KRT5: variants seen among roughly 807,000 people sequenced by gnomAD.
KRT5 encodes keratin, type II cytoskeletal 5.
In KRT5, 17 loss-of-function variants were observed where a neutral mutation model predicts 44.0. The observed-to-expected ratio is 0.39, with a 90% CI of 0.26 to 0.58. The LOEUF (loss-of-function observed/expected upper bound fraction) is 0.58, where lower values mean the gene tolerates loss of function less well. KRT5 is among the 20% of genes least tolerant of loss of function. The probability of loss-of-function intolerance (pLI) is 0.61; values close to 1 mark genes in which losing one functional copy is unlikely to be tolerated. For missense variants in KRT5, 737 were observed against 785.5 expected (o/e 0.94, Z 0.74); for synonymous variants, 329 against 312.8 (o/e 1.05, Z -0.55).
chr12:52,514,646 G>A lies in KRT5; in HGVS notation c.*296C>T, dbSNP rs1461929461. 4.5e-6 allele frequency: 2 copies of A among 442,670 alleles called. No individual in the cohort carries two copies. The highest frequency in any genetic ancestry group is 2.0e-5 in the African/African-American group (1 of 50,762). 27.4% of individuals were successfully genotyped at this position (442,670 alleles called of 1,614,324 possible). A position where few individuals can be genotyped will look rare whatever the true frequency, so the allele number is the denominator to read the frequency against. ...AACCAAAACAAAATTTGGGATTGGG[G>A]TGGGGATTCTGTTTTGATGATTTAG... On this transcript the variant is annotated 3_prime_UTR_variant, in exon 9 of 9. Transcript: ENST00000252242.
At position 52,520,170 on chromosome 12, in the gene KRT5, C is replaced by A; in HGVS notation, c.127G>T (p.Gly43Cys). The A allele has an allele frequency of 6.2e-7, 1 of 1,613,936 alleles. No homozygotes were observed. Among genetic ancestry groups the A allele is most frequent in the Non-Finnish European group, 8.5e-7 (1 of 1,179,868 alleles). ...AGGCTGACCCTGCCGAAGCCACCAC[C>A]ACCGCCACCCCCGGACCGGGACACG... ...TSVSRSGGGG[G>C]GGFGRVSLAG... Residue 43 changes from glycine to cysteine, a missense_variant, in exon 1 of 9, where the codon GGT (glycine) becomes TGT (cysteine). By Grantham distance (159) the Gly-to-Cys change is radical. Transcript: ENST00000252242.
At position 52,515,181 on chromosome 12, in the gene KRT5, G is replaced by T; in HGVS notation, c.1534C>A (p.Leu512Ile). 1 of 1,611,952 alleles carries T rather than the reference G, an allele frequency of 6.2e-7. No individual in the cohort carries two copies. The highest frequency in any genetic ancestry group is 8.5e-7 in the Non-Finnish European group (1 of 1,179,728). Reference protein sequence around the residue: ...YGSGSGYGGGLGGGLGGGLGG... With the variant: ...YGSGSGYGGGIGGGLGGGLGG... ...AGGCCGCCGCCAAGACCTCCACCGA[G>T]GCCACCGCCATAGCCACTGCCACTG... is the stretch of plus-strand genomic sequence containing the variant. Residue 512 changes from leucine (L) to isoleucine (I), a missense_variant, in exon 9 of 9, where the codon CTC becomes ATC. Transcript: ENST00000252242.
intron 1 of KRT5, 74 bp downstream of exon 1, chr12:52,519,668 C>T (rs1441486032): frequency 6.8e-7 from 1 of 1,471,062 alleles, no homozygotes; most frequent in Non-Finnish European, 9.5e-7. Context: ...AAAGCCAAAA[C>T]ATCTTCCTTC....
chr12:52,519,044 G>T lies in KRT5; in HGVS notation c.672C>A (p.Asn224Lys). ...NLEPLFEQYI[N>K]NLRRQLDSIV... ...TGCTGTCCAGCTGCCTCCTGAGGTT[G>T]TTGATGTACTGCTCGAACAACGGCT... Residue 224 changes from asparagine to lysine, a missense_variant, in exon 2 of 9, where the codon AAC (asparagine) becomes AAA (lysine). Transcript: ENST00000252242. The T allele has an allele frequency of 1.2e-6, 2 of 1,614,210 alleles. No homozygotes were observed. Among genetic ancestry groups the T allele is most frequent in the South Asian group, 1.1e-5 (1 of 91,080 alleles).
chr12:52,518,511 A>C, intron 2 of KRT5: 1 of 552,688 alleles, frequency 1.8e-6, no homozygotes, highest in South Asian at 1.6e-5. Context: ...AAAAAAAAGA[A>C]AAGAAACAAA....
At position 52,514,745 on chromosome 12, in the gene KRT5, A is replaced by C; in HGVS notation, c.*197T>G. On this transcript the variant is annotated 3_prime_UTR_variant, in exon 9 of 9. Coordinates refer to ENST00000252242, the MANE Select transcript of KRT5 (RefSeq NM_000424.4). Reference sequence around the variant, plus strand: ...AAACCTGAAGGCTGATTTGAAGCAGAATATAGAACTGCGGCACGGGAGACC... The same window carrying C: ...AAACCTGAAGGCTGATTTGAAGCAGCATATAGAACTGCGGCACGGGAGACC... 1.7e-6 allele frequency: 1 copy of C among 597,382 alleles called. No individual in the cohort carries two copies. The highest frequency in any genetic ancestry group is 2.8e-5 in the East Asian group (1 of 36,170). The allele number at this position is 597,382 out of a possible 1,614,324, so 37.0% of individuals were successfully genotyped here. A position where few individuals can be genotyped will look rare whatever the true frequency, so the allele number is the denominator to read the frequency against.
intron 6 of KRT5, 57 bp downstream of exon 6, chr12:52,517,050 T>C (rs1474063507): frequency 1.6e-5 from 25 of 1,604,348 alleles, no homozygotes; most frequent in Non-Finnish European, 2.1e-5. Context: ...TAAAACAAAG[T>C]AGGTGTTTCT....
At chr12:52,518,635 G>A (rs1938657467) in intron 2 of KRT5, 1 of 568,446 alleles carries the variant, frequency 1.8e-6, no homozygotes, top group African/African-American at 1.9e-5. Flanking sequence ...AAAGGCCCAT[G>A]TACCGGGGAG....
At chr12:52,517,335 G>A (rs1938627227) in intron 5 of KRT5, 103 bp from the exon 6 acceptor site, 3 of 1,445,820 alleles carry the variant, frequency 2.1e-6, no homozygotes, top group Non-Finnish European at 2.9e-6. Context: ...AAATAGTGTG[G>A]GGCTGGTTCA....
chr12:52,518,266 G>A, intron 2 of KRT5, 103 bp from the exon 3 acceptor site: 1 of 1,091,420 alleles, frequency 9.2e-7, no homozygotes, highest in Non-Finnish European at 1.4e-6. Context: ...GTGGGAAGGG[G>A]CTTCTCCTCA....
rs757384415 is a variant in KRT5, at chr12:52,520,298, G to A, written c.-2C>T. The A allele has an allele frequency of 9.3e-6, 15 of 1,612,732 alleles. No homozygotes were observed. The highest frequency in any genetic ancestry group is 1.2e-5 in the Non-Finnish European group (14 of 1,179,996). On this transcript the variant is annotated 5_prime_UTR_variant, in exon 1 of 9. Coordinates refer to ENST00000252242, the MANE Select transcript of KRT5 (RefSeq NM_000424.4). ...GGACACACTTGACTGGCGAGACATG[G>A]TGGCTTGTTCCTGGTGGAGCAAGAG...
rs1421210308 is a variant in KRT5, at chr12:52,515,247, G to A, written c.1475-7C>T. The A allele has an allele frequency of 8.1e-6, 13 of 1,604,676 alleles. No individual in the cohort carries two copies. The highest frequency in any genetic ancestry group is 1.1e-5 in the Non-Finnish European group (13 of 1,179,976). The stretch of plus-strand genomic sequence containing the variant: ...ACACTGCTTGTGACAACAGCTGCAG[G>A]GAAAGGAGGGAGGACTCAGTGAGAC... On this transcript the variant is annotated splice_polypyrimidine_tract_variant and splice_region_variant and intron_variant, in intron 8 of 8. Coordinates refer to ENST00000252242, the MANE Select transcript of KRT5 (RefSeq NM_000424.4).
At position 52,517,888 on chromosome 12, in the gene KRT5, G is replaced by C. The variant is rs1938639680; in HGVS notation, c.927+9C>G. ...CCACCCATGTGAAAAATTTAGATAA[G>C]TTTCTTACCGCATCAAAGAACATCT... On this transcript the variant is annotated intron_variant, in intron 4 of 8. Transcript: ENST00000252242. 6.2e-7 allele frequency: 1 copy of C among 1,613,582 alleles called. No homozygotes were observed. The highest frequency in any genetic ancestry group is 8.5e-7 in the Non-Finnish European group (1 of 1,179,442).
rs565958149 is a variant in KRT5, at chr12:52,519,629, G to C, written c.555+113C>G. ...GGGCACAGAAACAAACGGAAACACAGAACTGTACAACTATAAAAGTATTTG... is the reference window on the plus strand; with the variant it reads ...GGGCACAGAAACAAACGGAAACACACAACTGTACAACTATAAAAGTATTTG... On this transcript the variant is annotated intron_variant, in intron 1 of 8. Transcript: ENST00000252242. 3.7e-4 allele frequency: 423 copies of C among 1,148,550 alleles called. 3 individuals carry two copies. The South Asian group carries it at 5.0e-3, about 14-fold the overall frequency. 71.1% of individuals were successfully genotyped at this position (1,148,550 alleles called of 1,614,324 possible). A position where few individuals can be genotyped will look rare whatever the true frequency, so the allele number is the denominator to read the frequency against.
chr12:52,519,687 T>C (rs1430695800), intron 1 of KRT5, 55 bp downstream of exon 1: 26 of 1,527,006 alleles, frequency 1.7e-5, no homozygotes, highest in Non-Finnish European at 2.3e-5. Flanking sequence ...TCTTTCTCTC[T>C]CTTTGGCATT....
At position 52,514,983 on chromosome 12, in the gene KRT5, C is replaced by T; in HGVS notation, c.1732G>A (p.Val578Ile). ...TTCCGGGAGGAGGAGGTGGTGGAGA[C>T]AAATTTGACGCTGGAGCTGCTACCC... ...GGGSSSSVKF[V>I]STTSSSRKSF... Residue 578 changes from valine (V) to isoleucine (I), a missense_variant, in exon 9 of 9, where the codon GTC becomes ATC. Coordinates refer to ENST00000252242, the MANE Select transcript of KRT5 (RefSeq NM_000424.4). 7 of 1,613,334 alleles carry T rather than the reference C, an allele frequency of 4.3e-6. No homozygotes were observed. The highest frequency in any genetic ancestry group is 5.9e-6 in the Non-Finnish European group (7 of 1,179,960).
rs759519803 is a variant in KRT5, at chr12:52,517,936, C to T, written c.888G>A (p.Leu296=). ...KVELEAKVDA[L]MDEINFMKMF... is the part of the protein sequence containing the mutation. ...TCTTCATGAAGTTAATCTCATCCAT[C>T]AGTGCATCAACCTTGGCCTCCAGCT... The change falls in exon 4 of 9, where the codon CTG becomes CTA. Residue 296 remains leucine (L), a synonymous_variant. Coordinates refer to ENST00000252242, the MANE Select transcript of KRT5 (RefSeq NM_000424.4). 77 of 1,614,144 alleles carry T rather than the reference C, an allele frequency of 4.8e-5. No individual in the cohort carries two copies. Among genetic ancestry groups the T allele is most frequent in the Non-Finnish European group, 8.5e-7 (1 of 1,180,042 alleles).
chr12:52,514,918 A>G lies in KRT5; in HGVS notation c.*24T>C, dbSNP rs1938578958. 1.2e-6 allele frequency: 2 copies of G among 1,601,910 alleles called. No individual in the cohort carries two copies. The highest frequency in any genetic ancestry group is 4.5e-5 in the East Asian group (2 of 44,826). On this transcript the variant is annotated 3_prime_UTR_variant, in exon 9 of 9. Transcript: ENST00000252242. Reference sequence around the variant, plus strand: ...CCATGGGCTGGGTTGCTGCACTTGGAAGGCAGTGACTTGCAGCAGGTTCTT... The same window carrying G: ...CCATGGGCTGGGTTGCTGCACTTGGGAGGCAGTGACTTGCAGCAGGTTCTT...
At chr12:52,518,328 TC>T in intron 2 of KRT5, 165 bp from the exon 3 acceptor site, 1 of 717,720 alleles carries the variant, frequency 1.4e-6, no homozygotes. Flanking sequence ...CCAAGGTCCC[TC>T]CCCATTTAAA....
Sources: allele counts gnomAD v4.1 joint callset, GRCh38; gene constraint gnomAD v4.1.1; transcripts MANE v1.5; gene names NCBI Gene and HGNC (gene_info 2026-07-23, HGNC 2026-07-21).